The following PAM variants were observed in gnomAD, a reference collection of about 807,000 sequenced individuals.
The protein encoded by PAM is peptidyl-glycine alpha-amidating monooxygenase.
In PAM, 72 loss-of-function variants were observed where a neutral mutation model predicts 122.1. The observed-to-expected ratio is 0.59, with a 90% CI of 0.49 to 0.72. PAM has a LOEUF of 0.72. Among genes scored for constraint, PAM ranks in the 30% least tolerant of loss-of-function variants. PAM has a pLI of 0.00. For missense variants in PAM, 1,106 were observed against 1,183.7 expected, an observed-to-expected ratio of 0.93 and a Z score of 0.96; for synonymous variants, 389 against 404.4, an observed-to-expected ratio of 0.96 and a Z score of 0.46.
chr5:102,958,926 A>T (rs1761660484), intron 12 of PAM, among the ~76,000 whole-genome samples: 1 of 152,052 alleles, frequency 6.6e-6, no homozygotes, highest in South Asian at 2.1e-4. Context: ...AATTGTCAAT[A>T]CTAATACTAA....
intron 21 of PAM, among the ~76,000 whole-genome samples, chr5:103,010,701 GTTA>G (rs1438195850): frequency 1.3e-5 from 2 of 152,108 alleles, no homozygotes; most frequent in African/African-American, 4.8e-5. Context: ...ATAATGTTAT[GTTA>G]TTTTTAAGAT....
chr5:102,896,893 T>A (rs1488137907), intron 3 of PAM, among the ~76,000 whole-genome samples: 1 of 151,636 alleles, frequency 6.6e-6, no homozygotes, highest in African/African-American at 2.4e-5. Context: ...TTTGGTATAA[T>A]TTTCTTTTGC....
chr5:103,012,949 G>A (rs1021967556), intron 21 of PAM, among the ~76,000 whole-genome samples: 2 of 151,852 alleles, frequency 1.3e-5, no homozygotes, highest in African/African-American at 4.8e-5. Context: ...TGTTTTTATG[G>A]CAGTACCATG....
At chr5:102,782,381 A>G (rs1759212261) in intron 1 of PAM, among the ~76,000 whole-genome samples, 3 of 152,116 alleles carry the variant, frequency 2.0e-5, no homozygotes. Flanking sequence ...TTTTCCCCCC[A>G]GAGGAAGGAG....
At chr5:102,899,187 A>C (rs1796993214) in intron 3 of PAM, among the ~76,000 whole-genome samples, 1 of 151,698 alleles carries the variant, frequency 6.6e-6, no homozygotes, top group African/African-American at 2.4e-5. Flanking sequence ...AAGCCAAAAA[A>C]TACAAATTGC....
At chr5:102,920,531 A>G (rs1159369906) in intron 5 of PAM, among the ~76,000 whole-genome samples, 4 of 152,058 alleles carry the variant, frequency 2.6e-5, no homozygotes, top group African/African-American at 9.7e-5. Flanking sequence ...ATGTCTGTCC[A>G]TTGCATTGAA....
intron 23 of PAM, among the ~76,000 whole-genome samples, chr5:103,024,538 C>CT (rs1784438189): frequency 6.6e-6 from 1 of 152,102 alleles, no homozygotes. Context: ...ATGTGTGCAG[C>CT]TGTCCATGTG....
chr5:102,798,335 G>A (rs1232715943), intron 1 of PAM, among the ~76,000 whole-genome samples: 1 of 152,178 alleles, frequency 6.6e-6, no homozygotes, highest in Non-Finnish European at 1.5e-5. Context: ...TATGATGAGG[G>A]AGGAATATTG....
chr5:102,997,671 T>A (rs943235131), intron 16 of PAM, among the ~76,000 whole-genome samples: 2 of 152,250 alleles, frequency 1.3e-5, no homozygotes, highest in African/African-American at 4.8e-5. Flanking sequence ...TGAAATAGAA[T>A]TAGATGATCC....
intron 7 of PAM, among the ~76,000 whole-genome samples, chr5:102,931,816 C>T (rs1189376091): frequency 6.6e-6 from 1 of 151,918 alleles, no homozygotes; most frequent in African/African-American, 2.4e-5. Flanking sequence ...CACTCTCTCT[C>T]TCTCTCTCTC....
At chr5:102,969,859 G>A (rs1338185671) in intron 14 of PAM, among the ~76,000 whole-genome samples, 4 of 152,116 alleles carry the variant, frequency 2.6e-5, no homozygotes, top group South Asian at 2.1e-4. Flanking sequence ...TTTTGTAAGT[G>A]ACTGAGATCA....
intron 5 of PAM, among the ~76,000 whole-genome samples, chr5:102,917,950 G>C (rs1477408455): frequency 6.6e-6 from 1 of 152,126 alleles, no homozygotes; most frequent in Non-Finnish European, 1.5e-5. Context: ...AGCCTTTTGT[G>C]ACTCATTCCA....
intron 2 of PAM, 55 bp downstream of exon 2, chr5:102,866,339 C>T (rs1002545230): frequency 8.5e-7 from 1 of 1,170,284 alleles, no homozygotes; most frequent in African/African-American, 1.5e-5. Context: ...AATGTAATCA[C>T]TTTTATGAAC....
chr5:102,758,622 T>G (rs747982623), intron 1 of PAM, among the ~76,000 whole-genome samples: 3 of 152,234 alleles, frequency 2.0e-5, no homozygotes, highest in Non-Finnish European at 4.4e-5. Context: ...TCATCATGTA[T>G]CCCTACAATT....
chr5:102,974,637 A>T (rs1318216786), intron 15 of PAM: 1 of 434,342 alleles, frequency 2.3e-6, no homozygotes, highest in Non-Finnish European at 4.1e-6. Flanking sequence ...CTATTACTGC[A>T]TAAATTTAGT....
intron 12 of PAM, among the ~76,000 whole-genome samples, chr5:102,952,967 G>T (rs1759448127): frequency 6.6e-6 from 1 of 152,124 alleles, no homozygotes. Flanking sequence ...CTTAACTAAG[G>T]ATAGGCTGGG....
intron 4 of PAM, among the ~76,000 whole-genome samples, chr5:102,909,666 T>C (rs1467013015): frequency 6.6e-6 from 1 of 151,900 alleles, no homozygotes; most frequent in Non-Finnish European, 1.5e-5. Context: ...TAGGCACTTG[T>C]ATTTTTACCA....
intron 1 of PAM, among the ~76,000 whole-genome samples, chr5:102,815,009 CCTT>C (rs1172411828): frequency 2.0e-5 from 3 of 151,994 alleles, no homozygotes; most frequent in Non-Finnish European, 4.4e-5. Flanking sequence ...TAAACCTAGT[CCTT>C]CTCTTTACTT....
chr5:102,921,294 G>C (rs151026526), intron 5 of PAM, among the ~76,000 whole-genome samples: 1 of 152,164 alleles, frequency 6.6e-6, no homozygotes, highest in Non-Finnish European at 1.5e-5. Context: ...AGTAAGAATA[G>C]TAAAAATCCC....
Sources: allele counts gnomAD v4.1 joint callset (sites outside exome capture counted in the v4.1 genomes callset), GRCh38; gene constraint gnomAD v4.1.1; transcripts MANE v1.5; gene names NCBI Gene and HGNC (gene_info 2026-07-23, HGNC 2026-07-21).